ESCO2: variants seen among roughly 807,000 people sequenced by gnomAD.
ESCO2 encodes N-acetyltransferase ESCO2.
In ESCO2, 51 loss-of-function variants were observed where a neutral mutation model predicts 61.7. That is an observed-to-expected ratio of 0.83 (90% confidence interval 0.66 to 1.04). The LOEUF is 1.04. Among genes scored for constraint, ESCO2 ranks in the 50% least tolerant of loss-of-function variants. The pLI, the probability that ESCO2 is intolerant of heterozygous loss-of-function variation, is 0.00. For missense variants in ESCO2, 692 were observed against 686.2 expected (o/e 1.01, Z -0.09); for synonymous variants, 230 against 238.2 (o/e 0.97, Z 0.32).
intron 7 of ESCO2, among the ~76,000 whole-genome samples, chr8:27,790,513 C>T (rs1383797650): frequency 6.6e-6 from 1 of 151,422 alleles, no homozygotes; most frequent in Non-Finnish European, 1.5e-5. Context: ...AAGCAAATAC[C>T]ATTACTTGGA....
chr8:27,807,899 G>A (rs1464723691), downstream of ESCO2, among the ~76,000 whole-genome samples: 1 of 152,120 alleles, frequency 6.6e-6, no homozygotes, highest in African/African-American at 2.4e-5. Flanking sequence ...GAGGGTCGGG[G>A]AGCTCCCTTG....
chr8:27,797,478 A>G (rs1329298808), intron 9 of ESCO2, among the ~76,000 whole-genome samples: 2 of 152,056 alleles, frequency 1.3e-5, no homozygotes, highest in Non-Finnish European at 2.9e-5. Context: ...TGTAGGCAAT[A>G]TTTAGTTGAG....
downstream of ESCO2, chr8:27,810,631 G>A (rs1805658949): frequency 4.8e-6 from 3 of 619,086 alleles, no homozygotes; most frequent in South Asian, 6.1e-5. Flanking sequence ...CAGACAGAAT[G>A]GAAATGTCTT....
chr8:27,786,241 C>G (rs6985126), intron 5 of ESCO2, among the ~76,000 whole-genome samples: 2,208 of 152,238 alleles, frequency 0.015, 48 homozygotes, highest in African/African-American at 0.045. Context: ...ACAAAAGGAT[C>G]TTTTTAAAGA....
chr8:27,792,668 G>A lies in ESCO2; in HGVS notation c.1354G>A (p.Val452Ile), dbSNP rs774427448. The A allele has an allele frequency of 6.2e-7, 1 of 1,612,148 alleles. No homozygotes were observed. The highest frequency in any genetic ancestry group is 1.7e-5 in the Admixed American group (1 of 59,940). The change falls in exon 9 of 11, where the codon GTA becomes ATA. Residue 452 changes from valine (V) to isoleucine (I), a missense_variant and splice_region_variant. By Grantham distance (29) the Val-to-Ile change is conservative. Transcript: ENST00000305188. ...CTGTCTTGGTTTTTAAAATCATTAG[G>A]TAGAAGATGTCCAAGAACTTGTTGA... ...PHDPSFAIKK[V>I]EDVQELVDNE...
rs764991895 is a variant in ESCO2 at position 27,780,243 on chromosome 8, G to A, written c.931G>A (p.Asp311Asn). 17 of 1,610,452 alleles carry A rather than the reference G, an allele frequency of 1.1e-5. No homozygotes were observed. The South Asian group carries it at 1.8e-4, about 17-fold the overall frequency. Reference sequence around the variant, plus strand: ...TAAAAATGAGGCTTTTTCTTCAGAGGATTCTCTTGGTGAGAATAAGACAAG... The same window carrying A: ...TAAAAATGAGGCTTTTTCTTCAGAGAATTCTCTTGGTGAGAATAAGACAAG... The part of the protein sequence containing the change: ...VDKNEAFSSE[D>N]SLGENKTISP... The change falls in exon 4 of 11, where the codon GAT becomes AAT. Residue 311 changes from aspartate to asparagine, a missense_variant. Transcript: ENST00000305188.
Position 27,776,855 on chromosome 8 carries a change from C to A in ESCO2, c.547C>A (p.His183Asn). Residue 183 changes from histidine to asparagine, a missense_variant, in exon 3 of 11, where the codon CAT becomes AAT. Transcript: ENST00000305188. The stretch of plus-strand genomic sequence containing the variant: ...AATTGTGGAGAAGGAAAATAATTGT[C>A]ATTCAGCTGAAAATAATTCCAATGC... ...KPIVEKENNC[H>N]SAENNSNAPR... 1.2e-6 allele frequency: 2 copies of A among 1,614,112 alleles called. No homozygotes were observed. Among genetic ancestry groups the A allele is most frequent in the Non-Finnish European group, 1.7e-6 (2 of 1,180,032 alleles).
At chr8:27,795,897 A>G (rs1001174211) in intron 9 of ESCO2, among the ~76,000 whole-genome samples, 3 of 152,068 alleles carry the variant, frequency 2.0e-5, no homozygotes, top group Non-Finnish European at 2.9e-5. Flanking sequence ...TTTATCAGGG[A>G]TATTGGCTGG....
downstream of ESCO2, chr8:27,810,528 TAAAC>T (rs1403288929): frequency 1.4e-6 from 2 of 1,408,402 alleles, no homozygotes; most frequent in African/African-American, 2.9e-5. Context: ...ATTGAAACAA[TAAAC>T]AAAATCACTT....
rs762060061 is a variant in ESCO2, at chr8:27,777,141, G to A, written c.833G>A (p.Ser278Asn). ...EKLKIGLLSA[S>N]SKNKEKLIKD... ...TTGAAAATTGGACTACTGAGTGCAA[G>A]CAGTAAAAATAAAGAGAAATTAATA... Residue 278 changes from serine (S) to asparagine (N), a missense_variant, in exon 3 of 11, where the codon AGC (serine) becomes AAC (asparagine). Coordinates refer to ENST00000305188, the MANE Select transcript of ESCO2 (RefSeq NM_001017420.3). 14 of 1,599,778 alleles carry A rather than the reference G, an allele frequency of 8.8e-6. No individual in the cohort carries two copies. The highest frequency in any genetic ancestry group is 2.3e-5 in the South Asian group (2 of 87,252).
chr8:27,774,142 G>A (rs1804721577), upstream of ESCO2, among the ~76,000 whole-genome samples: 1 of 151,714 alleles, frequency 6.6e-6, no homozygotes, highest in South Asian at 2.1e-4. Context: ...TGAAAAATAA[G>A]TGCATCGAGA....
Position 27,780,278 on chromosome 8 carries a change from A to G in ESCO2, c.955+11A>G. On this transcript the variant is annotated intron_variant, in intron 4 of 10. Coordinates refer to ENST00000305188, the MANE Select transcript of ESCO2 (RefSeq NM_001017420.3). ...GTGAGAATAAGACAAGTAAGAGAAAACTCGCATGAATTTAGCTGCTTAAAA... is the reference window on the plus strand; with the variant it reads ...GTGAGAATAAGACAAGTAAGAGAAAGCTCGCATGAATTTAGCTGCTTAAAA... The G allele has an allele frequency of 6.6e-7, 1 of 1,520,016 alleles. No individual in the cohort carries two copies. The highest frequency in any genetic ancestry group is 9.1e-7 in the Non-Finnish European group (1 of 1,094,784). The allele number at this position is 1,520,016 out of a possible 1,614,324, so 94.2% of individuals were successfully genotyped here.
upstream of ESCO2, among the ~76,000 whole-genome samples, chr8:27,773,482 G>C (rs1804702910): frequency 6.6e-6 from 1 of 151,938 alleles, no homozygotes; most frequent in African/African-American, 2.4e-5. Context: ...TGGGGGGAGG[G>C]GGGTTGGAAT....
At chr8:27,781,305 T>A (rs1280992326) in intron 4 of ESCO2, among the ~76,000 whole-genome samples, 1 of 151,576 alleles carries the variant, frequency 6.6e-6, no homozygotes, top group African/African-American at 2.4e-5. Context: ...TTCTAGAGGA[T>A]GAGCTCTAAT....
At chr8:27,801,683 G>A (rs1366090140) in intron 10 of ESCO2, among the ~76,000 whole-genome samples, 2 of 151,884 alleles carry the variant, frequency 1.3e-5, no homozygotes, top group African/African-American at 2.4e-5. Flanking sequence ...TCAAACTTAC[G>A]AAAGAACAAG....
In ESCO2 at chr8:27,776,913, A is replaced by G; in HGVS notation, c.605A>G (p.Gln202Arg). Residue 202 changes from glutamine to arginine, a missense_variant, in exon 3 of 11, where the codon CAA becomes CGA. By Grantham distance (43) the Gln-to-Arg change is conservative (BLOSUM62 1). Transcript: ENST00000305188. ...PRVLSQKIKPQVTLQGGAAFF... is the reference protein window; with the variant it reads ...PRVLSQKIKPRVTLQGGAAFF... The stretch of plus-strand genomic sequence containing the variant: ...GTTCTGAGCCAAAAAATAAAACCAC[A>G]AGTTACACTCCAGGGTGGAGCAGCA... 1 of 1,614,216 alleles carries G rather than the reference A, an allele frequency of 6.2e-7. No homozygotes were observed. The highest frequency in any genetic ancestry group is 8.5e-7 in the Non-Finnish European group (1 of 1,180,042).
At chr8:27,805,877 C>A (rs1259930201), downstream of ESCO2, among the ~76,000 whole-genome samples, 2 of 152,078 alleles carry the variant, frequency 1.3e-5, no homozygotes, top group Non-Finnish European at 2.9e-5. Context: ...AAGTGATCCT[C>A]CCACTTCAGC....
chr8:27,817,724 T>C, the ESCO2 span, among the ~76,000 whole-genome samples: 1 of 152,146 alleles, frequency 6.6e-6, no homozygotes, highest in Non-Finnish European at 1.5e-5. Context: ...GCATAAACAT[T>C]TTTAAAGGTT....
chr8:27,791,879 G>A, intron 7 of ESCO2, 84 bp from the exon 8 acceptor site: 4 of 1,147,386 alleles, frequency 3.5e-6, no homozygotes, highest in Non-Finnish European at 5.3e-6. Context: ...TTAGCCTTTT[G>A]TCTTCTCCAC....
Sources: allele counts gnomAD v4.1 joint callset (sites outside exome capture counted in the v4.1 genomes callset), GRCh38; gene constraint gnomAD v4.1.1; transcripts MANE v1.5; gene names NCBI Gene and HGNC (gene_info 2026-07-23, HGNC 2026-07-21).